The following LSAMP variants were observed in gnomAD, a reference collection of about 807,000 sequenced individuals.
LSAMP encodes the protein limbic system associated membrane protein.
A neutral mutation model predicts 38.6 loss-of-function variants in LSAMP; 7 were observed. The ratio of observed to expected loss-of-function variants is 0.18; its 90% CI spans 0.10 to 0.34. LSAMP has a LOEUF of 0.34. LSAMP is among the 10% of genes least tolerant of loss of function. The pLI is 1.00. For missense variants in LSAMP, 313 were observed against 420.0 expected (o/e 0.75, Z 2.23); for synonymous variants, 154 against 166.8 (o/e 0.92, Z 0.59).
intron 1 of LSAMP, among the ~76,000 whole-genome samples, chr3:116,200,152 CT>C (rs1454890095): frequency 1.3e-5 from 2 of 151,546 alleles, no homozygotes; most frequent in African/African-American, 4.9e-5. Context: ...CAGGAATTTC[CT>C]AACAACTTGT....
At chr3:116,108,087 T>C (rs1235307793) in intron 1 of LSAMP, among the ~76,000 whole-genome samples, 1 of 151,952 alleles carries the variant, frequency 6.6e-6, no homozygotes, top group Non-Finnish European at 1.5e-5. Context: ...GTAAGGGTGA[T>C]TAGGTTTTAA....
At chr3:116,315,614 C>G (rs985185045) in intron 1 of LSAMP, among the ~76,000 whole-genome samples, 2 of 152,142 alleles carry the variant, frequency 1.3e-5, no homozygotes, top group Non-Finnish European at 2.9e-5. Context: ...TAGTTATTTA[C>G]AAATGTAAAT....
intron 1 of LSAMP, among the ~76,000 whole-genome samples, chr3:116,429,737 A>G (rs2049254708): frequency 6.6e-6 from 1 of 152,178 alleles, no homozygotes; most frequent in Admixed American, 6.5e-5. Flanking sequence ...CAGAGGGTCA[A>G]GGCCTGGGAT....
At chr3:115,938,325 T>C (rs954403709) in intron 3 of LSAMP, among the ~76,000 whole-genome samples, 5 of 152,174 alleles carry the variant, frequency 3.3e-5, no homozygotes, top group Non-Finnish European at 7.4e-5. Context: ...ATTGAAATAA[T>C]GAAATGTTTG....
chr3:116,153,135 A>G (rs1305857434), intron 1 of LSAMP, among the ~76,000 whole-genome samples: 5 of 152,096 alleles, frequency 3.3e-5, no homozygotes, highest in African/African-American at 1.2e-4. Context: ...AATTTGCCTC[A>G]AAAAAGAAAA....
intron 3 of LSAMP, among the ~76,000 whole-genome samples, chr3:115,868,771 C>T (rs1387600888): frequency 6.6e-6 from 1 of 152,064 alleles, no homozygotes; most frequent in Non-Finnish European, 1.5e-5. Context: ...TTCCAAAATA[C>T]AATCCAGGAC....
chr3:115,875,289 G>C (rs555091206), intron 3 of LSAMP, among the ~76,000 whole-genome samples: 40 of 152,150 alleles, frequency 2.6e-4, no homozygotes, highest in African/African-American at 9.6e-4. Flanking sequence ...TTCACTTCCT[G>C]AATAAGATTT....
intron 6 of LSAMP, among the ~76,000 whole-genome samples, chr3:115,824,963 C>T (rs1934361767): frequency 6.6e-6 from 1 of 152,066 alleles, no homozygotes; most frequent in South Asian, 2.1e-4. Flanking sequence ...ATTTTCCAGC[C>T]CCAAATTGTG....
At chr3:116,187,462 T>C (rs1710646816) in intron 1 of LSAMP, among the ~76,000 whole-genome samples, 1 of 152,174 alleles carries the variant, frequency 6.6e-6, no homozygotes, top group Non-Finnish European at 1.5e-5. Context: ...TTATTCCTTG[T>C]TTGCCTGGTT....
chr3:116,289,023 C>T (rs1202202440), intron 1 of LSAMP, among the ~76,000 whole-genome samples: 1 of 152,118 alleles, frequency 6.6e-6, no homozygotes, highest in Non-Finnish European at 1.5e-5. Flanking sequence ...TGTTACAATA[C>T]AGTGCACACT....
At chr3:115,966,473 CT>C (rs1293045190) in intron 3 of LSAMP, among the ~76,000 whole-genome samples, 1 of 152,150 alleles carries the variant, frequency 6.6e-6, no homozygotes, top group African/African-American at 2.4e-5. Context: ...AAGATTTGAC[CT>C]TCCATAAAGT....
At chr3:116,346,327 C>CTTTTTT (rs11391341) in intron 1 of LSAMP, among the ~76,000 whole-genome samples, 2 of 142,272 alleles carry the variant, frequency 1.4e-5, no homozygotes. Flanking sequence ...TTAGTTTTAT[C>CTTTTTT]TTTTTTTTTT....
At chr3:116,127,098 G>C (rs1709025108) in intron 1 of LSAMP, among the ~76,000 whole-genome samples, 1 of 152,118 alleles carries the variant, frequency 6.6e-6, no homozygotes, top group Non-Finnish European at 1.5e-5. Flanking sequence ...TTTATTTACA[G>C]GGAATAAACC....
intron 1 of LSAMP, among the ~76,000 whole-genome samples, chr3:116,383,562 C>T (rs1406445615): frequency 6.6e-6 from 1 of 151,862 alleles, no homozygotes; most frequent in African/African-American, 2.4e-5. Context: ...AAGTGCCTGT[C>T]CAGTATCCTC....
chr3:116,054,197 C>G (rs1347923292), intron 2 of LSAMP, among the ~76,000 whole-genome samples: 1 of 152,184 alleles, frequency 6.6e-6, no homozygotes, highest in African/African-American at 2.4e-5. Context: ...TCAATAATCT[C>G]TTTTTGATTT....
At chr3:116,291,093 A>G (rs1336193651) in intron 1 of LSAMP, among the ~76,000 whole-genome samples, 1 of 152,146 alleles carries the variant, frequency 6.6e-6, no homozygotes, top group Non-Finnish European at 1.5e-5. Flanking sequence ...TTCTCAAGTC[A>G]TTATCTGTAC....
intron 1 of LSAMP, among the ~76,000 whole-genome samples, chr3:116,141,499 C>T (rs1709369777): frequency 6.6e-6 from 1 of 151,864 alleles, no homozygotes; most frequent in Non-Finnish European, 1.5e-5. Flanking sequence ...CTGCGATTTT[C>T]GTTTCTACCT....
intron 1 of LSAMP, among the ~76,000 whole-genome samples, chr3:116,401,918 T>C (rs996913975): frequency 6.6e-6 from 1 of 152,194 alleles, no homozygotes; most frequent in Non-Finnish European, 1.5e-5. Context: ...GACTGCCTAG[T>C]AGTACACTAG....
At chr3:116,435,346 G>A (rs2049335157) in intron 1 of LSAMP, among the ~76,000 whole-genome samples, 2 of 152,122 alleles carry the variant, frequency 1.3e-5, no homozygotes. Flanking sequence ...TTCCTTTCCT[G>A]AACTCCTGGG....
Sources: gnomAD v4.1 joint callset for allele counts (sites outside exome capture counted in the v4.1 genomes callset) on GRCh38, gnomAD v4.1.1 for gene constraint, MANE v1.5 for transcripts, NCBI Gene and HGNC (gene_info 2026-07-23, HGNC 2026-07-21) for gene names.